Variants in PLD3 observed in about 807,000 individuals in gnomAD.
The protein encoded by PLD3 is phospholipase D family member 3.
PLD3 carries 31 observed loss-of-function variants against 58.4 expected under a neutral mutation model. The observed-to-expected ratio is 0.53, with a 90% CI of 0.40 to 0.72. The LOEUF is 0.72. PLD3 is among the 30% of genes least tolerant of loss of function. The probability of loss-of-function intolerance (pLI) is 0.00; values close to 1 mark genes in which losing one functional copy is unlikely to be tolerated. For missense variants in PLD3, 595 were observed against 659.8 expected (o/e 0.90, Z 1.08); for synonymous variants, 264 against 273.4 (o/e 0.97, Z 0.34).
intron 1 of PLD3, among the ~76,000 whole-genome samples, chr19:40,350,279 A>AC (rs1175214004): frequency 7.9e-5 from 12 of 151,796 alleles, no homozygotes; most frequent in Non-Finnish European, 1.5e-5. Flanking sequence ...AAAAAAAAAA[A>AC]AAAACTGCAT....
chr19:40,371,688 G>C lies in PLD3; in HGVS notation c.694G>C (p.Val232Leu). The change falls in exon 9 of 13, where the codon GTG (valine) becomes CTG (leucine). Residue 232 changes from valine (V) to leucine (L), a missense_variant. Physicochemically the swap from Val to Leu is conservative, Grantham distance 32. Coordinates refer to ENST00000409735, the MANE Select transcript of PLD3 (RefSeq NM_012268.4). ...RSLTQVKELG[V>L]VMYNCSCLAR... ...CCTCCTACAGGTCAAGGAGCTGGGCGTGGTCATGTACAACTGCAGCTGCCT... is the reference window on the plus strand; with the variant it reads ...CCTCCTACAGGTCAAGGAGCTGGGCCTGGTCATGTACAACTGCAGCTGCCT... 3 of 1,613,240 alleles carry C rather than the reference G, an allele frequency of 1.9e-6. No individual in the cohort carries two copies. The highest frequency in any genetic ancestry group is 4.5e-5 in the East Asian group (2 of 44,878).
chr19:40,351,252 A>AC (rs1207380541), intron 1 of PLD3, among the ~76,000 whole-genome samples: 1 of 149,452 alleles, frequency 6.7e-6, no homozygotes, highest in Non-Finnish European at 1.5e-5. Context: ...ACAAAACAAA[A>AC]CAAAAAAACG....
chr19:40,364,665 G>A (rs143263333), intron 1 of PLD3, among the ~76,000 whole-genome samples: 3,223 of 150,384 alleles, frequency 0.021, 105 homozygotes, highest in African/African-American at 0.069. Flanking sequence ...GCATGGTGGC[G>A]GGCGCCTGTA....
At chr19:40,370,733 G>A (rs970411952) in intron 8 of PLD3, 5 of 154,202 alleles carry the variant, frequency 3.2e-5, no homozygotes, top group African/African-American at 7.2e-5. Context: ...GGAAGCCTGG[G>A]GCTCCCTCTG....
chr19:40,357,839 G>T (rs919995830), intron 1 of PLD3: 2 of 152,210 alleles, frequency 1.3e-5, no homozygotes, highest in African/African-American at 4.8e-5. Flanking sequence ...CAACTAGCAT[G>T]TTTCAAGGGC....
At chr19:40,352,118 A>G (rs1262591754) in intron 1 of PLD3, among the ~76,000 whole-genome samples, 2 of 152,030 alleles carry the variant, frequency 1.3e-5, no homozygotes, top group Non-Finnish European at 2.9e-5. Flanking sequence ...CCAAAATTAT[A>G]TAAAATTAGC....
At chr19:40,373,790 C>T (rs2079124749) in intron 9 of PLD3, among the ~76,000 whole-genome samples, 1 of 151,976 alleles carries the variant, frequency 6.6e-6, no homozygotes, top group African/African-American at 2.4e-5. Flanking sequence ...AGTTCGAGAC[C>T]TGCCTGGCCA....
At chr19:40,373,967 A>G (rs1257130212) in intron 9 of PLD3, among the ~76,000 whole-genome samples, 1 of 146,266 alleles carries the variant, frequency 6.8e-6, no homozygotes, top group African/African-American at 2.5e-5. Flanking sequence ...ACTCCAGCCT[A>G]GGAGACAGAG....
In PLD3 at chr19:40,366,939, G is replaced by T. The variant is rs373028513; in HGVS notation, c.245+24G>T. 220 of 1,579,650 alleles carry T rather than the reference G, an allele frequency of 1.4e-4. 1 individual carries two copies. Among genetic ancestry groups the T allele is most frequent in the Admixed American group, 8.9e-5 (5 of 56,384 alleles). On this transcript the variant is annotated intron_variant, in intron 5 of 12. Transcript: ENST00000409735. ...GAGTAAGTGGGGGGTGCTGCAGTTG[G>T]TGGGGGAGGGGCCTGCCAGACCAGG...
intron 1 of PLD3, among the ~76,000 whole-genome samples, chr19:40,351,684 G>C (rs2078519241): frequency 6.6e-6 from 1 of 152,230 alleles, no homozygotes; most frequent in Non-Finnish European, 1.5e-5. Flanking sequence ...CAGTGAGAGA[G>C]GAGAGGGGCA....
At chr19:40,374,382 A>G (rs760150159) in intron 9 of PLD3, 99 bp from the exon 10 acceptor site, 4 of 1,297,084 alleles carry the variant, frequency 3.1e-6, no homozygotes, top group Non-Finnish European at 4.3e-6. Flanking sequence ...ATTTGGTGAG[A>G]TCCACAGTAC....
chr19:40,355,803 G>A lies in PLD3; in HGVS notation c.-279+7035G>A, dbSNP rs186722971. On this transcript the variant is annotated intron_variant, in intron 1 of 12. Transcript: ENST00000409735. Reference sequence around the variant, plus strand: ...GTGAGTTAGATAGCCTGGACCTGCCGTCATAGGTCTCCCAGTCAAATAGGA... The same window carrying A: ...GTGAGTTAGATAGCCTGGACCTGCCATCATAGGTCTCCCAGTCAAATAGGA... The A allele has an allele frequency of 6.6e-5, 10 of 152,054 alleles. No individual in the cohort carries two copies. The East Asian group carries it at 7.7e-4, about 12-fold the overall frequency. 9.4% of individuals were successfully genotyped at this position (152,054 alleles called of 1,614,324 possible). A position where few individuals can be genotyped will look rare whatever the true frequency, so the allele number is the denominator to read the frequency against.
At chr19:40,351,611 C>G (rs149060461) in intron 1 of PLD3, among the ~76,000 whole-genome samples, 1 of 152,074 alleles carries the variant, frequency 6.6e-6, no homozygotes, top group Non-Finnish European at 1.5e-5. Context: ...GCAAAGAGAA[C>G]AGCAAAAGCA....
At chr19:40,352,949 C>T (rs1055736109) in intron 1 of PLD3, among the ~76,000 whole-genome samples, 4 of 152,048 alleles carry the variant, frequency 2.6e-5, no homozygotes, top group Admixed American at 1.3e-4. Context: ...GGCAACAAAG[C>T]GAGGAGACCC....
At chr19:40,369,830 AT>A in intron 6 of PLD3, 77 bp from the exon 7 acceptor site, 1 of 1,360,682 alleles carries the variant, frequency 7.3e-7, no homozygotes, top group Middle Eastern at 2.6e-4. Context: ...ATGTCTCAAA[AT>A]AACTCCACCG....
intron 6 of PLD3, 75 bp from the exon 7 acceptor site, chr19:40,369,833 A>T: frequency 7.2e-7 from 1 of 1,379,586 alleles, no homozygotes; most frequent in Non-Finnish European, 9.7e-7. Context: ...TCTCAAAATA[A>T]CTCCACCGGG....
intron 1 of PLD3, among the ~76,000 whole-genome samples, chr19:40,353,439 A>T (rs1476369436): frequency 1.3e-5 from 2 of 152,122 alleles, no homozygotes; most frequent in Non-Finnish European, 2.9e-5. Flanking sequence ...CAAAAAACAA[A>T]CAAATTTCCA....
chr19:40,375,562 A>C (rs2079174057), intron 10 of PLD3, among the ~76,000 whole-genome samples: 1 of 151,304 alleles, frequency 6.6e-6, no homozygotes, highest in Non-Finnish European at 1.5e-5. Context: ...AGGCAGGAGA[A>C]TCGCTTGAAC....
intron 1 of PLD3, chr19:40,357,552 C>G (rs534549357): frequency 1.3e-5 from 2 of 152,200 alleles, no homozygotes; most frequent in Non-Finnish European, 2.9e-5. Flanking sequence ...ATTATCTGCA[C>G]CCACCCTATA....
Sources: allele counts gnomAD v4.1 joint callset (sites outside exome capture counted in the v4.1 genomes callset), GRCh38; gene constraint gnomAD v4.1.1; transcripts MANE v1.5; gene names NCBI Gene and HGNC (gene_info 2026-07-23, HGNC 2026-07-21).